ZSCAN25: variants seen among roughly 807,000 people sequenced by gnomAD.
ZSCAN25 encodes the protein zinc finger and SCAN domain-containing protein 25.
In ZSCAN25, 27 loss-of-function variants were observed where a neutral mutation model predicts 38.7. The ratio of observed to expected loss-of-function variants is 0.70; its 90% CI spans 0.51 to 0.96. ZSCAN25 has a LOEUF of 0.96. ZSCAN25 is among the 40% of genes least tolerant of loss of function. The pLI is 0.00. For missense variants in ZSCAN25, 637 were observed against 705.9 expected, an observed-to-expected ratio of 0.90 and a Z score of 1.11; for synonymous variants, 273 against 277.7, an observed-to-expected ratio of 0.98 and a Z score of 0.17.
chr7:99,672,146 G>C, the ZSCAN25 span, among the ~76,000 whole-genome samples: 1 of 152,076 alleles, frequency 6.6e-6, no homozygotes, highest in Non-Finnish European at 1.5e-5. Flanking sequence ...CCGCCTCCCA[G>C]GTTCAAGCGA....
chr7:99,681,212 A>G, the ZSCAN25 span, among the ~76,000 whole-genome samples: 5 of 152,318 alleles, frequency 3.3e-5, no homozygotes, highest in East Asian at 7.7e-4. Context: ...CTGTTGATGG[A>G]CACTTAGGTT....
the ZSCAN25 span, among the ~76,000 whole-genome samples, chr7:99,649,599 G>C: frequency 4.6e-5 from 7 of 152,126 alleles, no homozygotes; most frequent in Admixed American, 6.5e-5. Flanking sequence ...ACCTAGTCAC[G>C]CTCTGGGTTA....
the ZSCAN25 span, chr7:99,674,696 C>A: frequency 1.3e-6 from 1 of 781,772 alleles, no homozygotes; most frequent in South Asian, 1.8e-5. Context: ...TGCTATCTTT[C>A]ACTGGCAGTT....
the ZSCAN25 span, chr7:99,672,751 C>A: frequency 6.2e-7 from 1 of 1,605,524 alleles, no homozygotes; most frequent in South Asian, 1.1e-5. Context: ...CCCAGGAAGC[C>A]AGACTTTGAT....
At chr7:99,679,237 G>C in the ZSCAN25 span, among the ~76,000 whole-genome samples, 1 of 152,070 alleles carries the variant, frequency 6.6e-6, no homozygotes, top group Admixed American at 6.5e-5. Flanking sequence ...GGATTTTCAG[G>C]GGCATGGCAC....
At chr7:99,634,517 C>T (rs955356454), downstream of ZSCAN25, among the ~76,000 whole-genome samples, 9 of 152,190 alleles carry the variant, frequency 5.9e-5, no homozygotes, top group South Asian at 8.3e-4. Flanking sequence ...TGGCCAGGCG[C>T]GGTGGCTCAC....
chr7:99,711,012 C>CAGAGTCTCACTGGGGGTGGT, the ZSCAN25 span: 2 of 1,518,954 alleles, frequency 1.3e-6, no homozygotes, highest in Non-Finnish European at 1.8e-6. Context: ...AAAAGCAATT[C>CAGAGTCTCACTGGGGGTGGT]AGAGTCTCAC....
At chr7:99,734,302 A>G in the ZSCAN25 span, among the ~76,000 whole-genome samples, 1 of 152,228 alleles carries the variant, frequency 6.6e-6, no homozygotes, top group Non-Finnish European at 1.5e-5. Context: ...TCCAGTACAC[A>G]CAGTAGGGAG....
the ZSCAN25 span, chr7:99,666,524 T>A: frequency 4.8e-6 from 7 of 1,455,322 alleles, no homozygotes; most frequent in African/African-American, 9.8e-5. Flanking sequence ...AACCCAACAG[T>A]GCGACTGTCG....
chr7:99,714,790 G>A, the ZSCAN25 span: 48 of 1,527,714 alleles, frequency 3.1e-5, no homozygotes, highest in Non-Finnish European at 4.2e-5. Context: ...ATACATCAGT[G>A]TTCTCAACTG....
the ZSCAN25 span, among the ~76,000 whole-genome samples, chr7:99,676,873 C>T: frequency 1.3e-5 from 2 of 152,058 alleles, no homozygotes; most frequent in Admixed American, 6.6e-5. Flanking sequence ...GGGCAGCTTT[C>T]AGGTACACCT....
chr7:99,698,619 C>T, the ZSCAN25 span, among the ~76,000 whole-genome samples: 1 of 151,996 alleles, frequency 6.6e-6, no homozygotes, highest in Non-Finnish European at 1.5e-5. Context: ...AAAAGATATA[C>T]ATAAATATGT....
At chr7:99,733,197 A>C in the ZSCAN25 span, among the ~76,000 whole-genome samples, 1 of 152,188 alleles carries the variant, frequency 6.6e-6, no homozygotes, top group African/African-American at 2.4e-5. Flanking sequence ...AGCCATGGAA[A>C]ATCAATGGCA....
chr7:99,720,906 C>A, the ZSCAN25 span: 10 of 169,040 alleles, frequency 5.9e-5, no homozygotes, highest in Non-Finnish European at 1.3e-4. Context: ...CCTTTCTACT[C>A]AGTCATGTTG....
downstream of ZSCAN25, chr7:99,632,419 G>C: frequency 3.1e-6 from 1 of 324,300 alleles, no homozygotes. Flanking sequence ...TTTCATCTCT[G>C]TCCACTCCTT....
At chr7:99,650,940 T>A in the ZSCAN25 span, among the ~76,000 whole-genome samples, 1 of 152,240 alleles carries the variant, frequency 6.6e-6, no homozygotes, top group African/African-American at 2.4e-5. Flanking sequence ...TGACCCATGT[T>A]TTATTCAAAT....
the ZSCAN25 span, chr7:99,666,678 G>C: frequency 1.9e-6 from 3 of 1,614,098 alleles, no homozygotes. Flanking sequence ...ACTGGGCAAT[G>C]ATGGGGAACA....
the ZSCAN25 span, chr7:99,714,647 A>T: frequency 6.2e-6 from 10 of 1,612,558 alleles, no homozygotes; most frequent in South Asian, 1.1e-4. Context: ...GTGATATTTA[A>T]TGCTTCAAGA....
the ZSCAN25 span, chr7:99,730,940 G>T: frequency 2.2e-6 from 3 of 1,341,668 alleles, no homozygotes; most frequent in Non-Finnish European, 3.1e-6. Flanking sequence ...ATGCCTACAC[G>T]CTATTTCTGA....
Sources: gnomAD v4.1 joint callset for allele counts (sites outside exome capture counted in the v4.1 genomes callset) on GRCh38, gnomAD v4.1.1 for gene constraint, MANE v1.5 for transcripts, NCBI Gene and HGNC (gene_info 2026-07-23, HGNC 2026-07-21) for gene names.